PTTG1IP2: variants seen among roughly 807,000 people sequenced by gnomAD.
PTTG1IP2 encodes PTTG1IP family member 2.
At chr7:90,490,469 G>A (rs1419033475) in intron 4 of PTTG1IP2, among the ~76,000 whole-genome samples, 1 of 149,982 alleles carries the variant, frequency 6.7e-6, no homozygotes, top group Non-Finnish European at 1.5e-5. Flanking sequence ...GTTGGCCAAT[G>A]TTCCATTTGC....
At chr7:90,500,135 C>T (rs764855752) in intron 6 of PTTG1IP2, among the ~76,000 whole-genome samples, 4 of 151,936 alleles carry the variant, frequency 2.6e-5, no homozygotes, top group Non-Finnish European at 5.9e-5. Context: ...ATCACCTGAG[C>T]CTGGGGAGGT....
intron 6 of PTTG1IP2, among the ~76,000 whole-genome samples, chr7:90,509,188 G>T (rs183696221): frequency 6.6e-6 from 1 of 151,790 alleles, no homozygotes; most frequent in East Asian, 1.9e-4. Flanking sequence ...GGTGTTATTG[G>T]GGGGATGGGG....
At chr7:90,479,000 A>T (rs1562984150) in intron 1 of PTTG1IP2, among the ~76,000 whole-genome samples, 1 of 152,116 alleles carries the variant, frequency 6.6e-6, no homozygotes, top group Non-Finnish European at 1.5e-5. Context: ...TCAAAGTTGG[A>T]TGATGCTATT....
chr7:90,480,079 C>T (rs1020868915), intron 2 of PTTG1IP2, among the ~76,000 whole-genome samples: 1 of 152,144 alleles, frequency 6.6e-6, no homozygotes, highest in African/African-American at 2.4e-5. Context: ...CCAGCGATGA[C>T]CCAGACATAC....
chr7:90,510,425 T>C (rs994101601), intron 6 of PTTG1IP2, among the ~76,000 whole-genome samples: 1 of 152,196 alleles, frequency 6.6e-6, no homozygotes, highest in Non-Finnish European at 1.5e-5. Flanking sequence ...AAAAATGATA[T>C]GCCTTCAATA....
intron 6 of PTTG1IP2, among the ~76,000 whole-genome samples, chr7:90,510,974 C>T (rs909776693): frequency 6.6e-6 from 1 of 152,132 alleles, no homozygotes; most frequent in African/African-American, 2.4e-5. Context: ...TTGCAGACAT[C>T]GGAGCTATAA....
At chr7:90,491,976 C>CAA (rs1797943793) in intron 4 of PTTG1IP2, among the ~76,000 whole-genome samples, 1 of 151,832 alleles carries the variant, frequency 6.6e-6, no homozygotes, top group Non-Finnish European at 1.5e-5. Flanking sequence ...ACTAAAAATA[C>CAA]AAAAATTAGC....
At chr7:90,500,957 C>A (rs765928048) in intron 6 of PTTG1IP2, among the ~76,000 whole-genome samples, 11 of 152,200 alleles carry the variant, frequency 7.2e-5, no homozygotes, top group Admixed American at 1.3e-4. Context: ...TTCAATTATT[C>A]ATTAAGAGCA....
intron 1 of PTTG1IP2, among the ~76,000 whole-genome samples, chr7:90,472,128 T>G (rs1797695642): frequency 6.6e-6 from 1 of 152,068 alleles, no homozygotes. Context: ...AGGATCATGG[T>G]AAGGTGGTTA....
chr7:90,504,558 G>A (rs1798103395), intron 6 of PTTG1IP2, among the ~76,000 whole-genome samples: 1 of 152,122 alleles, frequency 6.6e-6, no homozygotes, highest in Non-Finnish European at 1.5e-5. Flanking sequence ...GAATGTATGT[G>A]GCTGTGTTTC....
intron 6 of PTTG1IP2, among the ~76,000 whole-genome samples, chr7:90,494,638 C>T (rs901433839): frequency 2.0e-4 from 31 of 152,134 alleles, no homozygotes; most frequent in African/African-American, 6.8e-4. Flanking sequence ...TCCCAGCACT[C>T]TGGAAGGCGG....
At chr7:90,511,870 T>A in intron 6 of PTTG1IP2, among the ~76,000 whole-genome samples, 1 of 152,240 alleles carries the variant, frequency 6.6e-6, no homozygotes. Context: ...CACATGGTTG[T>A]GGTGATACAA....
intron 1 of PTTG1IP2, among the ~76,000 whole-genome samples, chr7:90,471,864 C>T (rs17863121): frequency 5.9e-5 from 9 of 152,208 alleles, no homozygotes; most frequent in East Asian, 3.9e-4. Context: ...CAGGTTCCTG[C>T]GTTACAAGCT....
intron 1 of PTTG1IP2, among the ~76,000 whole-genome samples, chr7:90,472,346 A>C (rs1797701876): frequency 6.6e-6 from 1 of 151,966 alleles, no homozygotes; most frequent in Non-Finnish European, 1.5e-5. Flanking sequence ...CCTAGAAGAG[A>C]ACACAACTCA....
intron 2 of PTTG1IP2, among the ~76,000 whole-genome samples, chr7:90,486,298 C>T (rs1426476828): frequency 6.6e-6 from 1 of 152,096 alleles, no homozygotes; most frequent in South Asian, 2.1e-4. Context: ...CATTTAACTT[C>T]TCTGCACCTT....
chr7:90,505,358 A>G (rs1380025018), intron 6 of PTTG1IP2, among the ~76,000 whole-genome samples: 26 of 152,356 alleles, frequency 1.7e-4, no homozygotes, highest in Non-Finnish European at 1.5e-4. Flanking sequence ...TCATGATTGT[A>G]CAACCAATAG....
In PTTG1IP2 at chr7:90,488,248, G is replaced by A. The variant is rs754801335; in HGVS notation, c.287-623G>A. On this transcript the variant is annotated intron_variant, in intron 3 of 6. Transcript: ENST00000509356. ...GCCCTCAAATCTCTGTTTCTTTCCGGTACTATCAGATATATTTAAATCATG... is the reference window on the plus strand; with the variant it reads ...GCCCTCAAATCTCTGTTTCTTTCCGATACTATCAGATATATTTAAATCATG... Among the ~76,000 whole-genome samples, 15 of 151,906 alleles carry A rather than the reference G, an allele frequency of 9.9e-5. No individual in the cohort carries two copies. The South Asian group carries it at 1.5e-3, about 15-fold the overall frequency.
Position 90,492,322 on chromosome 7 carries a change from GTTTA to G in PTTG1IP2, c.451+17_451+20del, listed in dbSNP as rs1267680608. 6.6e-6 allele frequency: 1 copy of G among 152,090 alleles called. No individual in the cohort carries two copies. Among genetic ancestry groups the G allele is most frequent in the Admixed American group, 6.5e-5 (1 of 15,274 alleles). 9.4% of individuals were successfully genotyped at this position (152,090 alleles called of 1,614,324 possible). A position where few individuals can be genotyped will look rare whatever the true frequency, so the allele number is the denominator to read the frequency against. ...CGCAGTGCTACTGGCAAGTGTTTTC[GTTTA>G]TTTGATGGAATGTCCCAGACTCCTT... On this transcript the variant is annotated intron_variant, in intron 5 of 6. Transcript: ENST00000509356.
chr7:90,474,592 C>T (rs950598802), intron 1 of PTTG1IP2, among the ~76,000 whole-genome samples: 1 of 152,174 alleles, frequency 6.6e-6, no homozygotes, highest in Non-Finnish European at 1.5e-5. Flanking sequence ...GGTTGCCTCT[C>T]CACCTTCTCA....
Sources: allele counts gnomAD v4.1 joint callset (sites outside exome capture counted in the v4.1 genomes callset), GRCh38; gene constraint gnomAD v4.1.1; transcripts MANE v1.5; gene names NCBI Gene and HGNC (gene_info 2026-07-23, HGNC 2026-07-21).